The following GABRB3 variants were observed in gnomAD, a reference collection of about 807,000 sequenced individuals.
The protein encoded by GABRB3 is gamma-aminobutyric acid receptor subunit beta-3.
GABRB3 carries 14 observed loss-of-function variants against 52.1 expected under a neutral mutation model. That is an observed-to-expected ratio of 0.27 (90% CI 0.18 to 0.42). The LOEUF is 0.42. GABRB3 is among the 10% of genes least tolerant of loss of function. The probability of loss-of-function intolerance (pLI) is 1.00; values close to 1 mark genes in which losing one functional copy is unlikely to be tolerated. For synonymous variants in GABRB3, 260 were observed against 232.3 expected (o/e 1.12, Z -1.08); for missense variants, 307 against 609.1 (o/e 0.50, Z 5.22).
At chr15:26,684,337 C>T (rs559908338) in intron 3 of GABRB3, among the ~76,000 whole-genome samples, 97 of 152,114 alleles carry the variant, frequency 6.4e-4, no homozygotes, top group African/African-American at 2.2e-3. Context: ...GGCAGGGACG[C>T]GGAAATGCAG....
rs141856001 is a variant in GABRB3 at position 26,647,975 on chromosome 15, A to G, written c.241-26441T>C. On this transcript the variant is annotated intron_variant, in intron 3 of 8. Coordinates refer to ENST00000311550, the MANE Select transcript of GABRB3 (RefSeq NM_000814.6). Reference sequence around the variant, plus strand: ...AAAGGGGAAAAACTTACTTTTTTAAACCAATTGTGGTAAAACACATCTAAC... The same window carrying G: ...AAAGGGGAAAAACTTACTTTTTTAAGCCAATTGTGGTAAAACACATCTAAC... 3.9e-5 allele frequency among the ~76,000 whole-genome samples: 6 copies of G among 152,316 alleles called. No homozygotes were observed. In the East Asian group the frequency reaches 1.2e-3, roughly 29 times the overall value.
At chr15:26,606,789 T>TAGATAGATATATCG (rs1555370506) in intron 4 of GABRB3, among the ~76,000 whole-genome samples, 1 of 122,776 alleles carries the variant, frequency 8.1e-6, no homozygotes. Flanking sequence ...TAGATATATC[T>TAGATAGATATATCG]ATAGATAGAT....
At chr15:26,748,287 C>T (rs549313797) in intron 3 of GABRB3, among the ~76,000 whole-genome samples, 27 of 152,198 alleles carry the variant, frequency 1.8e-4, no homozygotes, top group Middle Eastern at 3.4e-3. Flanking sequence ...CTGCATACAG[C>T]TAGTAATAAT....
At chr15:26,554,826 A>G (rs1265565192) in intron 8 of GABRB3, among the ~76,000 whole-genome samples, 3 of 152,204 alleles carry the variant, frequency 2.0e-5, no homozygotes, top group African/African-American at 7.2e-5. Flanking sequence ...AAATAAAACC[A>G]ACTGCTTAGA....
At chr15:26,762,622 A>C (rs1890851074) in intron 3 of GABRB3, among the ~76,000 whole-genome samples, 1 of 152,212 alleles carries the variant, frequency 6.6e-6, no homozygotes, top group Non-Finnish European at 1.5e-5. Context: ...GAACCTGACA[A>C]TTCCTGCAGC....
Position 26,686,185 on chromosome 15 carries a change from T to C in GABRB3, c.241-64651A>G, listed in dbSNP as rs79844044. ...GTCTTGAACTCCTGGCCTCAAGGGA[T>C]CTTCCTGCCTCCACCTCTCAAGTTG... On this transcript the variant is annotated intron_variant, in intron 3 of 8. Transcript: ENST00000311550. 1.8e-3 allele frequency among the ~76,000 whole-genome samples: 276 copies of C among 152,272 alleles called. 5 individuals are homozygous for C. In the East Asian group the frequency reaches 0.034, roughly 19 times the overall value.
intron 3 of GABRB3, among the ~76,000 whole-genome samples, chr15:26,697,307 G>C (rs1888772125): frequency 6.6e-6 from 1 of 152,036 alleles, no homozygotes; most frequent in African/African-American, 2.4e-5. Context: ...GAATGCCTTG[G>C]AAATAAACAT....
At chr15:26,595,085 G>A (rs1891347554) in intron 4 of GABRB3, among the ~76,000 whole-genome samples, 1 of 152,134 alleles carries the variant, frequency 6.6e-6, no homozygotes, top group South Asian at 2.1e-4. Context: ...ATTTCTCTAA[G>A]AGTCTCATCC....
intron 3 of GABRB3, among the ~76,000 whole-genome samples, chr15:26,705,183 G>T (rs1247120415): frequency 6.6e-6 from 1 of 152,188 alleles, no homozygotes; most frequent in Non-Finnish European, 1.5e-5. Context: ...AGATCAAGGT[G>T]CTGGCATAAT....
chr15:26,713,534 C>A (rs1889370422), intron 3 of GABRB3, among the ~76,000 whole-genome samples: 1 of 152,014 alleles, frequency 6.6e-6, no homozygotes. Context: ...GATGATCCAG[C>A]CTGGAGGTCT....
intron 3 of GABRB3, among the ~76,000 whole-genome samples, chr15:26,709,951 C>A (rs1266386268): frequency 1.3e-5 from 2 of 152,204 alleles, no homozygotes; most frequent in Admixed American, 1.3e-4. Flanking sequence ...TTTTTGCAGT[C>A]ATTCTCTACT....
chr15:26,565,187 T>TGATGAC (rs2140689501), intron 7 of GABRB3, among the ~76,000 whole-genome samples: 1 of 152,094 alleles, frequency 6.6e-6, no homozygotes, highest in South Asian at 2.1e-4. Context: ...ATGATGATGA[T>TGATGAC]GATGATGTTA....
In GABRB3 at chr15:26,761,942, T is replaced by A. The variant is rs558332337; in HGVS notation, c.240+10460A>T. On this transcript the variant is annotated intron_variant, in intron 3 of 8. Coordinates refer to ENST00000311550, the MANE Select transcript of GABRB3 (RefSeq NM_000814.6). The stretch of plus-strand genomic sequence containing the variant: ...CTCTGCCTCCCGGGTTCAAGATTCT[T>A]GTGACTCAGCCTCCCGAGCAGCTGG... 2.6e-5 allele frequency among the ~76,000 whole-genome samples: 4 copies of A among 152,208 alleles called. No individual in the cohort carries two copies. In the East Asian group the frequency reaches 7.7e-4, roughly 29 times the overall value.
At chr15:26,725,674 G>GT (rs1467874370) in intron 3 of GABRB3, among the ~76,000 whole-genome samples, 2 of 152,056 alleles carry the variant, frequency 1.3e-5, no homozygotes, top group Non-Finnish European at 2.9e-5. Context: ...CAAATTTGGA[G>GT]TTTTTTTCAT....
At chr15:26,696,313 T>C (rs1159492018) in intron 3 of GABRB3, among the ~76,000 whole-genome samples, 2 of 152,150 alleles carry the variant, frequency 1.3e-5, no homozygotes, top group Non-Finnish European at 2.9e-5. Flanking sequence ...ATTTTGTATA[T>C]ACATTTTCCC....
chr15:26,742,596 T>C (rs1398460114), intron 3 of GABRB3, among the ~76,000 whole-genome samples: 1 of 152,188 alleles, frequency 6.6e-6, no homozygotes, highest in East Asian at 1.9e-4. Flanking sequence ...TGACGCACCA[T>C]CTTTATTACC....
intron 3 of GABRB3, among the ~76,000 whole-genome samples, chr15:26,643,622 C>CTGTGTG (rs57144395): frequency 1.3e-3 from 188 of 149,614 alleles, no homozygotes; most frequent in Middle Eastern, 6.8e-3. Context: ...TTTCATGACA[C>CTGTGTG]TGTGTGTGTG....
rs1218594678 is a variant in GABRB3 at position 26,610,019 on chromosome 15, AG to A, written c.461+11294del. ...CCATCAGGTCCTGCAGACGGTATCA[AG>A]GAACTGAAACATACTGGCTCACCAC... On this transcript the variant is annotated intron_variant, in intron 4 of 8. Transcript: ENST00000311550. Among the ~76,000 whole-genome samples, 3 of 152,168 alleles carry A rather than the reference AG, an allele frequency of 2.0e-5. No individual in the cohort carries two copies. The East Asian group carries it at 5.8e-4, about 29-fold the overall frequency.
intron 3 of GABRB3, among the ~76,000 whole-genome samples, chr15:26,662,992 A>C (rs1887596573): frequency 6.6e-6 from 1 of 152,202 alleles, no homozygotes; most frequent in Non-Finnish European, 1.5e-5. Flanking sequence ...CACAATATCA[A>C]AAACTAGGAA....
Sources: allele counts gnomAD v4.1 joint callset (sites outside exome capture counted in the v4.1 genomes callset), GRCh38; gene constraint gnomAD v4.1.1; transcripts MANE v1.5; gene names NCBI Gene and HGNC (gene_info 2026-07-23, HGNC 2026-07-21).